The following LAMA5 variants were observed in gnomAD, a reference collection of about 807,000 sequenced individuals.
The protein encoded by LAMA5 is laminin subunit alpha-5.
Under a neutral mutation model 433.4 loss-of-function variants are expected in LAMA5, and 260 were observed. The observed-to-expected ratio is 0.60, with a 90% CI of 0.54 to 0.66. The LOEUF (loss-of-function observed/expected upper bound fraction) is 0.66. Ranked by LOEUF, LAMA5 falls within the 30% of genes least tolerant of loss-of-function variation. The pLI, the probability that LAMA5 is intolerant of heterozygous loss-of-function variation, is 0.00. For missense variants in LAMA5, 5,378 were observed against 5,258.5 expected (o/e 1.02, Z -0.70); for synonymous variants, 2,620 against 2,226.6 (o/e 1.18, Z -4.97).
At chr20:62,348,613 GAATAA>G (rs1463985438) in intron 6 of LAMA5, among the ~76,000 whole-genome samples, 4 of 149,728 alleles carry the variant, frequency 2.7e-5, no homozygotes, top group Non-Finnish European at 5.9e-5. Flanking sequence ...TCTCAAAAAA[GAATAA>G]AATAAAATAA....
chr20:62,312,883 C>CGGTA lies in LAMA5; in HGVS notation c.9078+4_9078+5insTACC. ...CTGCCACCCTGGTCCCCACCCTGGC[C>CGGTA]CTACCGCCTTGCTGGCCGAGGTCAG... On this transcript the variant is annotated splice_donor_region_variant and intron_variant, in intron 66 of 79. Transcript: ENST00000252999. 6.3e-7 allele frequency: 1 copy of CGGTA among 1,591,466 alleles called. No homozygotes were observed. Among genetic ancestry groups the CGGTA allele is most frequent in the Non-Finnish European group, 8.6e-7 (1 of 1,167,384 alleles).
At chr20:62,332,775 C>T in intron 26 of LAMA5, 58 bp from the exon 27 acceptor site, 5 of 1,577,316 alleles carry the variant, frequency 3.2e-6, no homozygotes, top group Middle Eastern at 1.7e-4. Flanking sequence ...CCACCTCCCT[C>T]CCCTCCCACT....
intron 2 of LAMA5, among the ~76,000 whole-genome samples, chr20:62,353,968 A>G (rs1689884120): frequency 6.6e-6 from 1 of 152,060 alleles, no homozygotes. Flanking sequence ...CTGGGGCAGT[A>G]GCACTGCTGT....
At chr20:62,317,977 G>A (rs1257259349) in intron 53 of LAMA5, among the ~76,000 whole-genome samples, 199 bp from the exon 54 acceptor site, 4 of 12,976 alleles carry the variant, frequency 3.1e-4, no homozygotes, top group African/African-American at 1.0e-3. Context: ...AAGTGGGGAA[G>A]AAGAGAAAGG....
chr20:62,334,575 C>G lies in LAMA5; in HGVS notation c.2529G>C (p.Pro843=), dbSNP rs1346183800. The change falls in exon 21 of 80, where the codon CCG becomes CCC. Residue 843 remains proline, a synonymous_variant. Transcript: ENST00000252999. ...GGCGGCACCGGCAGACGCCCGTCCT[C>G]GGTTCACAGCTCTGGCCCAGTGCAC... ...IGGALGQSCE[P]RTGVCRCRPN... is the part of the protein sequence containing the mutation. The G allele has an allele frequency of 1.9e-6, 3 of 1,548,500 alleles. No individual in the cohort carries two copies. Among genetic ancestry groups the G allele is most frequent in the Admixed American group, 3.9e-5 (2 of 50,994 alleles).
chr20:62,330,998 C>A, intron 29 of LAMA5, 34 bp downstream of exon 29: 1 of 1,576,484 alleles, frequency 6.3e-7, no homozygotes, highest in Non-Finnish European at 8.6e-7. Context: ...GGGCCCTCGG[C>A]CGCGCCCCTC....
intron 16 of LAMA5, among the ~76,000 whole-genome samples, chr20:62,337,171 C>T (rs796195104): frequency 5.4e-5 from 5 of 92,470 alleles, no homozygotes; most frequent in Admixed American, 9.3e-5. Context: ...TTGAGACACG[C>T]GATACGCGCA....
At chr20:62,366,707 C>A (rs1986767268) in intron 1 of LAMA5, among the ~76,000 whole-genome samples, 1 of 152,218 alleles carries the variant, frequency 6.6e-6, no homozygotes, top group South Asian at 2.1e-4. Flanking sequence ...CGAACTGGAC[C>A]GGCGCCCAGC....
At position 62,329,056 on chromosome 20, in the gene LAMA5, C is replaced by T; in HGVS notation, c.4236-1G>A. The T allele has an allele frequency of 6.2e-7, 1 of 1,612,694 alleles. No homozygotes were observed. The highest frequency in any genetic ancestry group is 8.5e-7 in the Non-Finnish European group (1 of 1,179,860). ...GCAGAACAGGGATGAGCTGCTGGGG[C>T]TACATGGAGGGGCACGTGGTGAGGC... On this transcript the variant is annotated splice_acceptor_variant, in intron 33 of 79. Coordinates refer to ENST00000252999, the MANE Select transcript of LAMA5 (RefSeq NM_005560.6). LOFTEE classifies it high-confidence loss of function.
At chr20:62,353,475 G>T (rs1157017266) in intron 2 of LAMA5, 3 of 492,486 alleles carry the variant, frequency 6.1e-6, no homozygotes, top group Non-Finnish European at 1.1e-5. Context: ...TCCTGGAAGG[G>T]CTCCCCGCCT....
Position 62,333,071 on chromosome 20 carries a change from G to A in LAMA5, c.3282+19C>T. 15 of 1,481,504 alleles carry A rather than the reference G, an allele frequency of 1.0e-5. No homozygotes were observed. Among genetic ancestry groups the A allele is most frequent in the Non-Finnish European group, 1.3e-5 (15 of 1,118,178 alleles). 91.8% of individuals were successfully genotyped at this position (1,481,504 alleles called of 1,614,324 possible). Reference sequence around the variant, plus strand: ...GGTCCTGCAACACCCATTGCTCCGTGGGGTCCCAGGACACGCACATCACTG... The same window carrying A: ...GGTCCTGCAACACCCATTGCTCCGTAGGGTCCCAGGACACGCACATCACTG... On this transcript the variant is annotated intron_variant, in intron 26 of 79. Transcript: ENST00000252999.
chr20:62,322,140 G>T lies in LAMA5; in HGVS notation c.6375C>A (p.Asp2125Glu). The change falls in exon 48 of 80, where the codon GAC becomes GAA. Residue 2125 changes from aspartate (D) to glutamate (E), a missense_variant. Transcript: ENST00000252999. Reference protein sequence around the residue: ...RRCQCPGGRCDPHTGRCNCPP... With the variant: ...RRCQCPGGRCEPHTGRCNCPP... ...GGCAGTTGCAGCGGCCCGTGTGAGG[G>T]TCACAGCGGCCCCCAGGGCACTGGC... is the stretch of plus-strand genomic sequence containing the variant. 1 of 1,600,916 alleles carries T rather than the reference G, an allele frequency of 6.2e-7. No individual in the cohort carries two copies.
In LAMA5 at chr20:62,325,437, G is replaced by T. The variant is rs375742435; in HGVS notation, c.5408C>A (p.Ser1803Tyr). 1.2e-5 allele frequency: 19 copies of T among 1,612,406 alleles called. No individual in the cohort carries two copies. The highest frequency in any genetic ancestry group is 1.7e-6 in the Non-Finnish European group (2 of 1,179,588). The stretch of plus-strand genomic sequence containing the variant: ...CACCCTGCGCAGGAAGACAGCCGAG[G>T]AGATCTGTGAGAAGAGGGCACGGAT... The part of the protein sequence containing the change: ...LQIRALFSQI[S>Y]SAVFLRRVAL... Residue 1803 changes from serine (S) to tyrosine (Y), a missense_variant, in exon 41 of 80, where the codon TCC becomes TAC. Ser to Tyr is a moderately radical substitution (Grantham distance 144). Coordinates refer to ENST00000252999, the MANE Select transcript of LAMA5 (RefSeq NM_005560.6).
chr20:62,317,222 G>T lies in LAMA5; in HGVS notation c.7511+123C>A, dbSNP rs1289718150. On this transcript the variant is annotated intron_variant, in intron 55 of 79. Transcript: ENST00000252999. Reference sequence around the variant, plus strand: ...CCAGCTTGCCGTGGAGCTGAGGAAGGCCTGGCTTCTTTGAGGACAACGGCC... The same window carrying T: ...CCAGCTTGCCGTGGAGCTGAGGAAGTCCTGGCTTCTTTGAGGACAACGGCC... The T allele has an allele frequency of 7.3e-6, 9 of 1,236,126 alleles. No individual in the cohort carries two copies. The East Asian group carries it at 2.1e-4, about 29-fold the overall frequency. 76.6% of individuals were successfully genotyped at this position (1,236,126 alleles called of 1,614,324 possible). A position where few individuals can be genotyped will look rare whatever the true frequency, so the allele number is the denominator to read the frequency against.
At position 62,329,149 on chromosome 20, in the gene LAMA5, G is replaced by A; in HGVS notation, c.4224C>T (p.Gly1408=). 6.2e-7 allele frequency: 1 copy of A among 1,612,772 alleles called. No homozygotes were observed. Residue 1408 remains glycine, a synonymous_variant, in exon 33 of 80, where the codon GGC becomes GGT. Coordinates refer to ENST00000252999, the MANE Select transcript of LAMA5 (RefSeq NM_005560.6). ...AGAGCCCTGCCCACCTGATGTGGTAGCCCTGGGCTGCGCAGTGGCTGATGA... is the reference window on the plus strand; with the variant it reads ...AGAGCCCTGCCCACCTGATGTGGTAACCCTGGGCTGCGCAGTGGCTGATGA... ...YDFISHCAAQ[G]YHISPSSSSL...
chr20:62,334,326 A>G lies in LAMA5; in HGVS notation c.2599T>C (p.Tyr867His). 6.2e-7 allele frequency: 1 copy of G among 1,606,614 alleles called. No individual in the cohort carries two copies. Among genetic ancestry groups the G allele is most frequent in the Admixed American group, 1.7e-5 (1 of 59,238 alleles). ...PTCSEPARDH[Y>H]LPDLHHLRLE... ...CGCAGGTGGTGCAGGTCCGGGAGGT[A>G]GTGGTCCCTCGCAGGCCTGGCCACA... The change falls in exon 22 of 80, where the codon TAC becomes CAC. Residue 867 changes from tyrosine (Y) to histidine (H), a missense_variant. Transcript: ENST00000252999.
In LAMA5 at chr20:62,311,190, C is replaced by A. The variant is rs375323683; in HGVS notation, c.10060G>T (p.Val3354Leu). The A allele has an allele frequency of 4.4e-6, 7 of 1,606,612 alleles. No individual in the cohort carries two copies. Among genetic ancestry groups the A allele is most frequent in the Non-Finnish European group, 4.2e-6 (5 of 1,177,200 alleles). ...GGSLSSHLEF[V>L]GILARHRNWP... ...TTCCTATGTCGGGCCAGGATGCCCA[C>A]AAACTCCAGGTGACTGGACAGGGAA... The change falls in exon 73 of 80, where the codon GTG becomes TTG. Residue 3354 changes from valine to leucine, a missense_variant. By Grantham distance (32) the Val-to-Leu change is conservative. Coordinates refer to ENST00000252999, the MANE Select transcript of LAMA5 (RefSeq NM_005560.6).
chr20:62,367,196 C>CG lies in LAMA5; in HGVS notation c.49dup (p.Arg17ProfsTer88). 2.5e-6 allele frequency: 3 copies of CG among 1,220,590 alleles called. No homozygotes were observed. Among genetic ancestry groups the CG allele is most frequent in the South Asian group, 6.5e-5 (2 of 30,720 alleles). 75.6% of individuals were successfully genotyped at this position (1,220,590 alleles called of 1,614,324 possible). ...GACCAGCAGCAGCGGCGCGGGGCCC[C>CG]GGGGGCCGCGAACACACAGTGCGCT... On this transcript the variant is annotated frameshift_variant, in exon 1 of 80. Transcript: ENST00000252999. LOFTEE classifies it high-confidence loss of function.
rs1982899069 is a variant in LAMA5, at chr20:62,343,469, C to T, written c.1477+2349G>A. 3.3e-5 allele frequency among the ~76,000 whole-genome samples: 5 copies of T among 152,112 alleles called. No individual in the cohort carries two copies. The South Asian group carries it at 1.0e-3, about 32-fold the overall frequency. On this transcript the variant is annotated intron_variant, in intron 11 of 79. Transcript: ENST00000252999. ...AATGACCCATCAGGAGAAAAACACA[C>T]AACTTATAAGAAATAGGTGATACAG...
Sources: gnomAD v4.1 joint callset for allele counts (sites outside exome capture counted in the v4.1 genomes callset) on GRCh38, gnomAD v4.1.1 for gene constraint, MANE v1.5 for transcripts, NCBI Gene and HGNC (gene_info 2026-07-23, HGNC 2026-07-21) for gene names.